The following EML4 variants were observed in gnomAD, a reference collection of about 807,000 sequenced individuals.
EML4 encodes echinoderm microtubule-associated protein-like 4.
A neutral mutation model predicts 129.0 loss-of-function variants in EML4; 72 were observed. The ratio of observed to expected loss-of-function variants is 0.56; its 90% CI spans 0.46 to 0.68. EML4 has a LOEUF of 0.68. EML4 is among the 30% of genes least tolerant of loss of function. The pLI, the probability that EML4 is intolerant of heterozygous loss-of-function variation, is 0.00. For synonymous variants in EML4, 532 were observed against 405.0 expected (o/e 1.31, Z -3.77); for missense variants, 1,363 against 1,190.6 (o/e 1.14, Z -2.13).
intron 1 of EML4, among the ~76,000 whole-genome samples, chr2:42,222,429 C>T (rs762796747): frequency 6.6e-5 from 10 of 152,090 alleles, no homozygotes; most frequent in Non-Finnish European, 1.3e-4. Flanking sequence ...TATATGAATT[C>T]TAATTTCAGT....
At chr2:42,283,589 A>G (rs139135687) in intron 8 of EML4, among the ~76,000 whole-genome samples, 56 of 152,236 alleles carry the variant, frequency 3.7e-4, no homozygotes, top group African/African-American at 1.3e-3. Flanking sequence ...GTTTTCCAAC[A>G]TTTAAAAGCT....
chr2:42,307,395 T>G (rs1668669005), intron 17 of EML4, among the ~76,000 whole-genome samples: 1 of 152,226 alleles, frequency 6.6e-6, no homozygotes, highest in Admixed American at 6.5e-5. Context: ...GCAGTCCATT[T>G]GGGGATTGAT....
At chr2:42,324,445 GTC>G (rs1217727482) in intron 19 of EML4, among the ~76,000 whole-genome samples, 11 of 152,166 alleles carry the variant, frequency 7.2e-5, no homozygotes, top group African/African-American at 2.4e-4. Flanking sequence ...GTGAAACCTT[GTC>G]TCTGCAGAAA....
intron 18 of EML4, 43 bp from the exon 19 acceptor site, chr2:42,317,384 A>G (rs769469240): frequency 5.1e-6 from 6 of 1,185,104 alleles, no homozygotes; most frequent in Non-Finnish European, 7.3e-6. Flanking sequence ...AAATAAATTT[A>G]TCAGTATATT....
At chr2:42,273,502 A>G (rs1011643082) in intron 6 of EML4, among the ~76,000 whole-genome samples, 2 of 152,178 alleles carry the variant, frequency 1.3e-5, no homozygotes, top group African/African-American at 4.8e-5. Flanking sequence ...TGTAATTAGT[A>G]TAAGAGTTGA....
At chr2:42,280,786 A>T in intron 6 of EML4, 64 bp from the exon 7 acceptor site, 15 of 1,283,132 alleles carry the variant, frequency 1.2e-5, no homozygotes, top group Non-Finnish European at 1.6e-5. Context: ...CACGTTAATA[A>T]TCCACTTTTG....
chr2:42,316,488 T>C (rs1669251508), intron 18 of EML4, among the ~76,000 whole-genome samples: 2 of 152,264 alleles, frequency 1.3e-5, no homozygotes, highest in African/African-American at 2.4e-5. Flanking sequence ...GTGCATTGTT[T>C]CGGTTACATA....
At chr2:42,264,430 T>G (rs577279767) in intron 5 of EML4, among the ~76,000 whole-genome samples, 2 of 152,346 alleles carry the variant, frequency 1.3e-5, no homozygotes, top group Non-Finnish European at 2.9e-5. Context: ...ATAATAAATC[T>G]TAATAATCAT....
intron 1 of EML4, among the ~76,000 whole-genome samples, chr2:42,202,779 C>T (rs1029045024): frequency 1.3e-5 from 2 of 152,174 alleles, no homozygotes; most frequent in Non-Finnish European, 2.9e-5. Flanking sequence ...ATGTTAATCT[C>T]CTTTGGCAAC....
At chr2:42,212,779 G>A (rs1359631994) in intron 1 of EML4, among the ~76,000 whole-genome samples, 1 of 152,080 alleles carries the variant, frequency 6.6e-6, no homozygotes, top group Non-Finnish European at 1.5e-5. Flanking sequence ...CCATTTATTG[G>A]GTAGGGCATG....
intron 1 of EML4, among the ~76,000 whole-genome samples, chr2:42,186,671 C>G (rs13411405): frequency 1.3e-5 from 2 of 152,084 alleles, no homozygotes; most frequent in African/African-American, 2.4e-5. Context: ...TTTTCATTAT[C>G]AAATGCATTC....
chr2:42,211,425 T>C (rs1242088819), intron 1 of EML4, among the ~76,000 whole-genome samples: 2 of 152,200 alleles, frequency 1.3e-5, no homozygotes, highest in Non-Finnish European at 2.9e-5. Flanking sequence ...CAGAGACTGA[T>C]TGAACATTAT....
At chr2:42,290,457 T>C (rs1439975406) in intron 11 of EML4, among the ~76,000 whole-genome samples, 1 of 151,912 alleles carries the variant, frequency 6.6e-6, no homozygotes, top group Non-Finnish European at 1.5e-5. Flanking sequence ...CTGGGTGCTG[T>C]GGCTCACGCC....
intron 17 of EML4, among the ~76,000 whole-genome samples, chr2:42,315,478 G>T (rs1374070568): frequency 2.6e-5 from 4 of 152,118 alleles, no homozygotes; most frequent in Middle Eastern, 6.3e-3. Flanking sequence ...GTATATTTAT[G>T]TATATTTTAT....
rs1048142681 is a variant in EML4, at chr2:42,228,617, C to T, written c.26-16888C>T. On this transcript the variant is annotated intron_variant, in intron 1 of 22. Coordinates refer to ENST00000318522, the MANE Select transcript of EML4 (RefSeq NM_019063.5). ...AATGGCACTGCTTTAAAAAATTTCT[C>T]ATGAGTATTTTGCTTTTAACAGAGA... Among the ~76,000 whole-genome samples, 53 of 152,282 alleles carry T rather than the reference C, an allele frequency of 3.5e-4. 1 individual carries two copies. Among genetic ancestry groups the T allele is most frequent in the African/African-American group, 1.2e-3 (51 of 41,574 alleles).
intron 13 of EML4, among the ~76,000 whole-genome samples, chr2:42,299,158 G>C (rs989048819): frequency 2.6e-5 from 4 of 152,180 alleles, no homozygotes; most frequent in African/African-American, 9.7e-5. Flanking sequence ...TCTACTTCCA[G>C]CTCTGCTGAA....
At chr2:42,290,407 G>GA (rs1006472206) in intron 11 of EML4, among the ~76,000 whole-genome samples, 3 of 151,590 alleles carry the variant, frequency 2.0e-5, no homozygotes, top group Admixed American at 1.3e-4. Flanking sequence ...GACCTCTCAT[G>GA]AAAAAAAATA....
chr2:42,296,379 G>C (rs1171153053), intron 13 of EML4, among the ~76,000 whole-genome samples: 1 of 151,988 alleles, frequency 6.6e-6, no homozygotes, highest in Non-Finnish European at 1.5e-5. Flanking sequence ...AAATCACCCT[G>C]AGTTTTCTGA....
intron 1 of EML4, among the ~76,000 whole-genome samples, chr2:42,238,076 C>G (rs1006415906): frequency 6.6e-6 from 1 of 152,074 alleles, no homozygotes; most frequent in Admixed American, 6.5e-5. Flanking sequence ...TTTTTAAATA[C>G]TGTATAAAAT....
Sources: gnomAD v4.1 joint callset for allele counts (sites outside exome capture counted in the v4.1 genomes callset) on GRCh38, gnomAD v4.1.1 for gene constraint, MANE v1.5 for transcripts, NCBI Gene and HGNC (gene_info 2026-07-23, HGNC 2026-07-21) for gene names.